The following DNAI3 variants were observed in gnomAD, a reference collection of about 807,000 sequenced individuals.
DNAI3 encodes the protein WD repeat domain 63.
DNAI3 carries 83 observed loss-of-function variants against 115.5 expected under a neutral mutation model. The ratio of observed to expected loss-of-function variants is 0.72; its 90% CI spans 0.60 to 0.86. The LOEUF (loss-of-function observed/expected upper bound fraction) is 0.86. Ranked by LOEUF, DNAI3 falls within the 40% of genes least tolerant of loss-of-function variation. The probability of loss-of-function intolerance (pLI) is 0.00; values close to 1 mark genes in which losing one functional copy is unlikely to be tolerated. For missense variants in DNAI3, 1,004 were observed against 1,075.8 expected (o/e 0.93, Z 0.93); for synonymous variants, 320 against 347.0 (o/e 0.92, Z 0.86).
At chr1:85,094,344 G>A in intron 9 of DNAI3, 87 bp from the exon 10 acceptor site, 1 of 1,542,034 alleles carries the variant, frequency 6.5e-7, no homozygotes, top group African/African-American at 1.4e-5. Flanking sequence ...TGTAAATGAA[G>A]AGTGGCTGTG....
At chr1:85,088,174 G>T (rs1654853873) in intron 7 of DNAI3, among the ~76,000 whole-genome samples, 1 of 152,050 alleles carries the variant, frequency 6.6e-6, no homozygotes, top group African/African-American at 2.4e-5. Flanking sequence ...GCCAGCCAGA[G>T]ATTTATTTTA....
intron 13 of DNAI3, 52 bp from the exon 14 acceptor site, chr1:85,104,472 T>C: frequency 6.9e-7 from 1 of 1,452,192 alleles, no homozygotes. Flanking sequence ...ATTTAAAAGG[T>C]AAATAGCTAT....
chr1:85,116,959 T>C (rs915080051), intron 16 of DNAI3, among the ~76,000 whole-genome samples: 1 of 152,204 alleles, frequency 6.6e-6, no homozygotes, highest in Non-Finnish European at 1.5e-5. Context: ...TAATATGTCT[T>C]TTTAGTATAG....
chr1:85,124,308 C>T, intron 19 of DNAI3, 57 bp downstream of exon 19: 4 of 1,612,568 alleles, frequency 2.5e-6, no homozygotes, highest in Non-Finnish European at 3.4e-6. Context: ...TTCAGAAAGA[C>T]AAGAGGAACT....
chr1:85,099,947 C>T (rs1655240041), intron 13 of DNAI3, among the ~76,000 whole-genome samples: 1 of 152,140 alleles, frequency 6.6e-6, no homozygotes, highest in African/African-American at 2.4e-5. Context: ...GGATCCCTTC[C>T]TTACACCTTA....
At chr1:85,132,820 T>G in intron 22 of DNAI3, 35 bp from the exon 23 acceptor site, 1 of 1,567,664 alleles carries the variant, frequency 6.4e-7, no homozygotes, top group Non-Finnish European at 8.6e-7. Flanking sequence ...ATATCAGTGT[T>G]TTATAGGGAT....
At chr1:85,110,792 A>C (rs1235707909) in intron 16 of DNAI3, among the ~76,000 whole-genome samples, 2 of 152,204 alleles carry the variant, frequency 1.3e-5, no homozygotes, top group African/African-American at 4.8e-5. Context: ...AACACATCTG[A>C]AGTCTAGTAA....
intron 17 of DNAI3, among the ~76,000 whole-genome samples, chr1:85,119,316 G>A (rs1056973193): frequency 5.3e-5 from 8 of 152,076 alleles, no homozygotes; most frequent in African/African-American, 1.9e-4. Context: ...GCGTCTGTAC[G>A]CACTAAACAC....
intron 22 of DNAI3, among the ~76,000 whole-genome samples, chr1:85,130,688 GATA>G (rs1656288892): frequency 2.4e-5 from 2 of 84,732 alleles, no homozygotes; most frequent in African/African-American, 1.0e-4. Context: ...TAGATAGATA[GATA>G]GATAGATAGA....
chr1:85,106,257 A>C (rs1655488587), intron 14 of DNAI3, among the ~76,000 whole-genome samples: 1 of 152,084 alleles, frequency 6.6e-6, no homozygotes, highest in Admixed American at 6.5e-5. Flanking sequence ...AGAAAAAAAT[A>C]GATAAATTGG....
At chr1:85,101,731 A>C in intron 13 of DNAI3, among the ~76,000 whole-genome samples, 1 of 145,842 alleles carries the variant, frequency 6.9e-6, no homozygotes, top group South Asian at 2.1e-4. Flanking sequence ...CCATCTCAAA[A>C]AAAAAAAAAA....
intron 18 of DNAI3, among the ~76,000 whole-genome samples, chr1:85,123,124 G>C (rs1324761907): frequency 6.6e-6 from 1 of 152,146 alleles, no homozygotes; most frequent in Non-Finnish European, 1.5e-5. Context: ...TTGTCTCCAA[G>C]TCCTGTCAAT....
intron 3 of DNAI3, among the ~76,000 whole-genome samples, chr1:85,075,881 G>A (rs1571158073): frequency 2.6e-5 from 4 of 152,104 alleles, no homozygotes; most frequent in African/African-American, 7.2e-5. Flanking sequence ...ATTATAATAC[G>A]AGTTAGTGGT....
At chr1:85,091,107 C>T (rs976694323) in intron 8 of DNAI3, among the ~76,000 whole-genome samples, 15 of 152,044 alleles carry the variant, frequency 9.9e-5, no homozygotes, top group Admixed American at 2.6e-4. Context: ...ATTTGCCACT[C>T]GCAGGAAGGA....
At chr1:85,097,469 G>A in intron 11 of DNAI3, 100 bp from the exon 12 acceptor site, 2 of 1,033,288 alleles carry the variant, frequency 1.9e-6, no homozygotes, top group South Asian at 3.9e-5. Context: ...ATCCCCTAAG[G>A]TGATTGACTT....
In DNAI3 at chr1:85,086,031, G is replaced by A. The variant is rs890051089; in HGVS notation, c.740+1G>A. 1 of 1,613,758 alleles carries A rather than the reference G, an allele frequency of 6.2e-7. No individual in the cohort carries two copies. On this transcript the variant is annotated splice_donor_variant, in intron 7 of 22. Transcript: ENST00000294664. LOFTEE classifies it high-confidence loss of function. Reference sequence around the variant, plus strand: ...AGGACATAAGCACTCAGACAAAATGGTAAGTATGTGATGGGTGTATGTAAT... The same window carrying A: ...AGGACATAAGCACTCAGACAAAATGATAAGTATGTGATGGGTGTATGTAAT...
chr1:85,121,020 G>C (rs1655979152), intron 17 of DNAI3, among the ~76,000 whole-genome samples: 1 of 152,154 alleles, frequency 6.6e-6, no homozygotes, highest in Non-Finnish European at 1.5e-5. Context: ...AAGAAACAAT[G>C]GAATTAGGAG....
At chr1:85,099,565 A>G (rs1458058389) in intron 13 of DNAI3, among the ~76,000 whole-genome samples, 1 of 152,218 alleles carries the variant, frequency 6.6e-6, no homozygotes, top group Non-Finnish European at 1.5e-5. Flanking sequence ...GGTAATTTAT[A>G]GATTCAATGC....
At chr1:85,100,183 G>A (rs1421267385) in intron 13 of DNAI3, among the ~76,000 whole-genome samples, 4 of 152,062 alleles carry the variant, frequency 2.6e-5, no homozygotes, top group Non-Finnish European at 5.9e-5. Context: ...GAGTGAACAG[G>A]CAACCTACAA....
Sources: allele counts gnomAD v4.1 joint callset (sites outside exome capture counted in the v4.1 genomes callset), GRCh38; gene constraint gnomAD v4.1.1; transcripts MANE v1.5; gene names NCBI Gene and HGNC (gene_info 2026-07-23, HGNC 2026-07-21).